The following ME1 variants were observed in gnomAD, a reference collection of about 807,000 sequenced individuals.
The protein encoded by ME1 is malic enzyme 1.
A neutral mutation model predicts 66.4 loss-of-function variants in ME1; 74 were observed. The observed-to-expected ratio is 1.11, with a 90% CI of 0.92 to 1.35. ME1 has a LOEUF of 1.35. ME1 is among the 40% of genes most tolerant of loss of function. The pLI is 0.00. For synonymous variants in ME1, 251 were observed against 235.6 expected (o/e 1.07, Z -0.60); for missense variants, 750 against 694.1 (o/e 1.08, Z -0.90).
intron 5 of ME1, among the ~76,000 whole-genome samples, chr6:83,324,756 G>T (rs565000720): frequency 6.8e-5 from 10 of 146,784 alleles, no homozygotes; most frequent in African/African-American, 2.3e-4. Context: ...GGACGAGATG[G>T]ATTCACAGCC....
At chr6:83,332,526 A>G (rs977171294) in intron 5 of ME1, among the ~76,000 whole-genome samples, 1 of 152,230 alleles carries the variant, frequency 6.6e-6, no homozygotes, top group Non-Finnish European at 1.5e-5. Flanking sequence ...TCAACCAATG[A>G]GTGGATAAAG....
At chr6:83,376,803 A>AC (rs1769299890) in intron 3 of ME1, among the ~76,000 whole-genome samples, 2 of 137,298 alleles carry the variant, frequency 1.5e-5, no homozygotes, top group African/African-American at 6.3e-5. Flanking sequence ...ACCCTGTCTC[A>AC]CAAAAAAAAA....
chr6:83,407,878 C>G lies in ME1; in HGVS notation c.102G>C (p.Glu34Asp), dbSNP rs1769976547. The change falls in exon 2 of 14, where the codon GAG becomes GAC. Residue 34 changes from glutamate (E) to aspartate (D), a missense_variant. Physicochemically the swap from Glu to Asp is conservative, Grantham distance 45. Coordinates refer to ENST00000369705, the MANE Select transcript of ME1 (RefSeq NM_002395.6). ...ATCCATGAATGTTCAATTGCTGTCT[C>G]TCTTCCAGGGTAAAGGCCAAGTCCT... ...LNKDLAFTLE[E>D]RQQLNIHGLL... is the part of the protein sequence containing the mutation. 1 of 1,612,464 alleles carries G rather than the reference C, an allele frequency of 6.2e-7. No homozygotes were observed. The highest frequency in any genetic ancestry group is 8.5e-7 in the Non-Finnish European group (1 of 1,179,660).
chr6:83,305,901 C>A (rs746817011), intron 6 of ME1, among the ~76,000 whole-genome samples: 13 of 152,040 alleles, frequency 8.6e-5, no homozygotes, highest in Non-Finnish European at 1.6e-4. Context: ...GTACTTCATT[C>A]TAATATTGTT....
At chr6:83,281,876 A>AAACAG (rs1767301949) in intron 6 of ME1, among the ~76,000 whole-genome samples, 1 of 150,304 alleles carries the variant, frequency 6.7e-6, no homozygotes, top group South Asian at 2.1e-4. Flanking sequence ...AGAGAGAAAA[A>AAACAG]AACAGAAAAC....
chr6:83,401,620 G>A (rs1021088176), intron 2 of ME1, among the ~76,000 whole-genome samples: 6 of 152,202 alleles, frequency 3.9e-5, no homozygotes, highest in East Asian at 3.8e-4. Context: ...CTGTATACAC[G>A]TCGGACAAAC....
chr6:83,212,934 T>C (rs1362932256), intron 13 of ME1, among the ~76,000 whole-genome samples: 1 of 151,850 alleles, frequency 6.6e-6, no homozygotes, highest in African/African-American at 2.4e-5. Flanking sequence ...ACTCAGACTA[T>C]CTCCTCAGTG....
At chr6:83,270,034 T>C (rs1767057024) in intron 6 of ME1, among the ~76,000 whole-genome samples, 1 of 152,144 alleles carries the variant, frequency 6.6e-6, no homozygotes, top group Non-Finnish European at 1.5e-5. Flanking sequence ...TAATGCTTTT[T>C]TACAAATATA....
At chr6:83,227,196 C>T (rs1319001005) in intron 11 of ME1, 139 bp downstream of exon 11, 3 of 436,206 alleles carry the variant, frequency 6.9e-6, no homozygotes, top group African/African-American at 6.1e-5. Flanking sequence ...TAGTTCTTAT[C>T]CCTCTGATTT....
At chr6:83,376,111 T>C (rs1426660448) in intron 3 of ME1, among the ~76,000 whole-genome samples, 3 of 152,206 alleles carry the variant, frequency 2.0e-5, no homozygotes, top group Non-Finnish European at 2.9e-5. Flanking sequence ...ATAAATCATT[T>C]AATTATATCT....
intron 6 of ME1, among the ~76,000 whole-genome samples, chr6:83,299,960 T>A (rs1354357770): frequency 6.6e-6 from 1 of 152,164 alleles, no homozygotes; most frequent in Admixed American, 6.5e-5. Flanking sequence ...CCGACTTGAA[T>A]GCGGTGGATA....
chr6:83,308,990 G>A (rs1331982381), intron 6 of ME1, among the ~76,000 whole-genome samples: 2 of 152,056 alleles, frequency 1.3e-5, no homozygotes, highest in East Asian at 1.9e-4. Context: ...AGAAAGACAA[G>A]CTTTGACCTA....
intron 5 of ME1, among the ~76,000 whole-genome samples, chr6:83,341,106 G>A (rs1296686035): frequency 6.6e-6 from 1 of 152,034 alleles, no homozygotes; most frequent in Non-Finnish European, 1.5e-5. Context: ...GGTCAACCTG[G>A]AGACTGAGTT....
At chr6:83,287,625 T>G (rs1767420552) in intron 6 of ME1, among the ~76,000 whole-genome samples, 1 of 152,204 alleles carries the variant, frequency 6.6e-6, no homozygotes, top group Admixed American at 6.5e-5. Flanking sequence ...CGTGTGCATG[T>G]GTCTTTATCG....
At chr6:83,396,134 C>A (rs116835745) in intron 3 of ME1, among the ~76,000 whole-genome samples, 2 of 151,958 alleles carry the variant, frequency 1.3e-5, no homozygotes, top group Non-Finnish European at 2.9e-5. Flanking sequence ...GAGGCTGAGG[C>A]GGGTGGATCA....
chr6:83,224,615 C>T (rs1489496825), intron 11 of ME1, among the ~76,000 whole-genome samples: 8 of 146,008 alleles, frequency 5.5e-5, no homozygotes, highest in African/African-American at 2.0e-4. Context: ...ACTCAGGAGG[C>T]AGAGGTTGCA....
At chr6:83,260,946 A>C (rs1180184) in intron 6 of ME1, among the ~76,000 whole-genome samples, 37,831 of 152,012 alleles carry the variant, frequency 0.25, 5,127 homozygotes, top group Middle Eastern at 0.37. Context: ...CTTTGTGGTA[A>C]AATAATTTAT....
At chr6:83,407,616 T>C in intron 2 of ME1, 152 bp downstream of exon 2, 1 of 771,502 alleles carries the variant, frequency 1.3e-6, no homozygotes, top group East Asian at 2.9e-5. Flanking sequence ...AGAGTAAATT[T>C]TTTAAAAACA....
chr6:83,244,104 C>G (rs1790570281), intron 7 of ME1, among the ~76,000 whole-genome samples: 1 of 151,500 alleles, frequency 6.6e-6, no homozygotes. Context: ...AATACGGAGA[C>G]CCTCCAATCT....
Sources: allele counts gnomAD v4.1 joint callset (sites outside exome capture counted in the v4.1 genomes callset), GRCh38; gene constraint gnomAD v4.1.1; transcripts MANE v1.5; gene names NCBI Gene and HGNC (gene_info 2026-07-23, HGNC 2026-07-21).